ZNF512B: variants seen among roughly 807,000 people sequenced by gnomAD.
The protein encoded by ZNF512B is zinc finger protein 512B.
A neutral mutation model predicts 87.8 loss-of-function variants in ZNF512B; 22 were observed. The observed-to-expected ratio is 0.25, with a 90% CI of 0.18 to 0.36. The LOEUF (loss-of-function observed/expected upper bound fraction) is 0.36. Among genes scored for constraint, ZNF512B ranks in the 10% least tolerant of loss-of-function variants. The pLI, the probability that ZNF512B is intolerant of heterozygous loss-of-function variation, is 1.00. For missense variants in ZNF512B, 1,060 were observed against 1,231.6 expected, an observed-to-expected ratio of 0.86 and a Z score of 2.09; for synonymous variants, 524 against 490.9, an observed-to-expected ratio of 1.07 and a Z score of -0.89.
In ZNF512B at chr20:63,961,257, G is replaced by C; in HGVS notation, c.2427+52C>G. 1 of 1,579,736 alleles carries C rather than the reference G, an allele frequency of 6.3e-7. No individual in the cohort carries two copies. Among genetic ancestry groups the C allele is most frequent in the Non-Finnish European group, 8.7e-7 (1 of 1,155,624 alleles). ...CCAAGGGGTGCCCAACCCCAGCCCT[G>C]TCCCCTCCTGGGCTAGCCCCCAGCC... is the stretch of plus-strand genomic sequence containing the variant. On this transcript the variant is annotated intron_variant, in intron 16 of 16. Transcript: ENST00000369888. The surrounding 1 kb of genome is among the most constrained non-coding windows in gnomAD (Gnocchi z 6.4).
In ZNF512B at chr20:63,963,911, C is replaced by G. The variant is rs747131753; in HGVS notation, c.1483G>C (p.Gly495Arg). Residue 495 changes from glycine (G) to arginine (R), a missense_variant and splice_region_variant, in exon 9 of 17, where the codon GGC becomes CGC. Physicochemically the swap from Gly to Arg is moderately radical, Grantham distance 125. Transcript: ENST00000369888. ...GCCCTCTGCCACTGCTCTTCAGGGC[C>G]ACCTGTGGGTAAGGCAGGGGCCTCG... ...PAPVAHPAPGGPEEQWQRAIH... is the reference protein window; with the variant it reads ...PAPVAHPAPGRPEEQWQRAIH... 2 of 1,610,084 alleles carry G rather than the reference C, an allele frequency of 1.2e-6. No homozygotes were observed. Among genetic ancestry groups the G allele is most frequent in the Admixed American group, 3.3e-5 (2 of 60,030 alleles).
rs2058864220 is a variant in ZNF512B at position 63,962,491 on chromosome 20, C to T, written c.2163+96G>A. 3 of 1,553,642 alleles carry T rather than the reference C, an allele frequency of 1.9e-6. No homozygotes were observed. In the Admixed American group the frequency reaches 5.7e-5, roughly 29 times the overall value. On this transcript the variant is annotated intron_variant, in intron 13 of 16. Transcript: ENST00000369888. ...CGCAGATGGCGGGGGCAGCGGGTGG[C>T]CCAGGTCACAGCAGTGGCTGTCCCA...
At chr20:63,963,492 C>T in intron 10 of ZNF512B, 52 bp from the exon 11 acceptor site, 1 of 1,549,550 alleles carries the variant, frequency 6.5e-7, no homozygotes, top group Non-Finnish European at 8.7e-7. Context: ...CGGAGCCCTG[C>T]CCTGGCCCCG....
chr20:63,967,692 C>A, intron 2 of ZNF512B, 138 bp downstream of exon 2: 1 of 1,487,738 alleles, frequency 6.7e-7, no homozygotes, highest in Non-Finnish European at 9.0e-7. Context: ...CCAAGGCAAC[C>A]CCTACCCTGG....
intron 3 of ZNF512B, 123 bp from the exon 4 acceptor site, chr20:63,967,127 C>T (rs953439888): frequency 4.0e-5 from 58 of 1,459,992 alleles, no homozygotes; most frequent in African/African-American, 3.5e-4. Flanking sequence ...CCCTCAACCT[C>T]GGGACTGCAG....
In ZNF512B at chr20:63,963,411, G is replaced by T; in HGVS notation, c.1728C>A (p.Gly576=). 1 of 1,548,674 alleles carries T rather than the reference G, an allele frequency of 6.5e-7. No homozygotes were observed. The change falls in exon 11 of 17, where the codon GGC becomes GGA. Residue 576 remains glycine, a synonymous_variant. Coordinates refer to ENST00000369888, the MANE Select transcript of ZNF512B (RefSeq NM_020713.3). ...GCAGCCTCTCGCGCTCCTCCTGCTCGCCCCCTTCGGAGGCCTCGGCGTCAG... is the reference window on the plus strand; with the variant it reads ...GCAGCCTCTCGCGCTCCTCCTGCTCTCCCCCTTCGGAGGCCTCGGCGTCAG... The part of the protein sequence containing the change: ...KPSDAEASEG[G]EQEERERLRK...
At position 63,958,096 on chromosome 20, in the gene ZNF512B, C is replaced by T. The variant is rs772699810; in HGVS notation, c.*1792G>A. 1.3e-5 allele frequency: 2 copies of T among 152,224 alleles called. No homozygotes were observed. The highest frequency in any genetic ancestry group is 2.9e-5 in the Non-Finnish European group (2 of 68,078). 9.4% of individuals were successfully genotyped at this position (152,224 alleles called of 1,614,324 possible). A position where few individuals can be genotyped will look rare whatever the true frequency, so the allele number is the denominator to read the frequency against. ...GCTGCTGAGGGTTGGAGCCTTCTGG[C>T]CCAAGGATGAAGCCAGAGACAGGAA... On this transcript the variant is annotated 3_prime_UTR_variant, in exon 17 of 17. Transcript: ENST00000369888.
chr20:63,963,556 C>T (rs931210311), intron 10 of ZNF512B, 62 bp downstream of exon 10: 54 of 1,601,116 alleles, frequency 3.4e-5, no homozygotes, highest in Admixed American at 1.3e-4. Flanking sequence ...GGGGGCACTG[C>T]GGTGAAGGTG....
intron 5 of ZNF512B, among the ~76,000 whole-genome samples, chr20:63,965,740 T>A (rs373705387): frequency 1.0e-4 from 1 of 9,778 alleles, no homozygotes; most frequent in South Asian, 3.9e-3. Context: ...CCCCCATACC[T>A]TTTCTTACCA....
rs373496978 is a variant in ZNF512B at position 63,967,621 on chromosome 20, G to A, written c.122-98C>T. The A allele has an allele frequency of 6.8e-4, 1,019 of 1,495,490 alleles. 6 individuals carry two copies. The highest frequency in any genetic ancestry group is 6.6e-3 in the South Asian group (498 of 75,138). 92.6% of individuals were successfully genotyped at this position (1,495,490 alleles called of 1,614,324 possible). ...AGTGAGCACCGCTGTCCCAACACGAGGGCACCGGGGGCAGGGGCTGCGGCC... is the reference window on the plus strand; with the variant it reads ...AGTGAGCACCGCTGTCCCAACACGAAGGCACCGGGGGCAGGGGCTGCGGCC... On this transcript the variant is annotated intron_variant, in intron 2 of 16. Coordinates refer to ENST00000369888, the MANE Select transcript of ZNF512B (RefSeq NM_020713.3).
At chr20:63,967,278 G>T in intron 3 of ZNF512B, 103 bp downstream of exon 3, 1 of 1,471,542 alleles carries the variant, frequency 6.8e-7, no homozygotes, top group Non-Finnish European at 9.1e-7. Flanking sequence ...ACATCTTGAG[G>T]CATAGAGTTG....
At position 63,966,854 on chromosome 20, in the gene ZNF512B, C is replaced by T. The variant is rs73316609; in HGVS notation, c.393+22G>A. On this transcript the variant is annotated intron_variant, in intron 4 of 16. Transcript: ENST00000369888. ...CCAAACACACCCCGAGGCCTCCTCT[C>T]CCCCGACCCACAGTCCCTTACCCCT... 0.01 allele frequency: 16,510 copies of T among 1,613,460 alleles called. 823 individuals are homozygous for T. In the African/African-American group the frequency reaches 0.13, roughly 13 times the overall value.
chr20:63,964,313 G>C lies in ZNF512B; in HGVS notation c.1333+7C>G. 6.2e-7 allele frequency: 1 copy of C among 1,613,906 alleles called. No individual in the cohort carries two copies. Among genetic ancestry groups the C allele is most frequent in the African/African-American group, 1.3e-5 (1 of 75,028 alleles). ...CCCTGGAGGTGCACACCGGGCTGGGGTCTTACCTTTGAGCCCAAAGGTCCC... is the reference window on the plus strand; with the variant it reads ...CCCTGGAGGTGCACACCGGGCTGGGCTCTTACCTTTGAGCCCAAAGGTCCC... On this transcript the variant is annotated splice_region_variant and intron_variant, in intron 7 of 16. Coordinates refer to ENST00000369888, the MANE Select transcript of ZNF512B (RefSeq NM_020713.3).
rs776677636 is a variant in ZNF512B at position 63,960,085 on chromosome 20, A to T, written c.2482T>A (p.Leu828Met). ...PPPKHRSQDS[L>M]VPKKEKKKNL... The stretch of plus-strand genomic sequence containing the variant: ...TTCTTCTTTTCCTTCTTGGGCACCA[A>T]TGAGTCCTGGCTCCTGTGTTTGGGA... The change falls in exon 17 of 17, where the codon TTG (leucine) becomes ATG (methionine). Residue 828 changes from leucine to methionine, a missense_variant. Physicochemically the swap from Leu to Met is conservative, Grantham distance 15 (BLOSUM62 2). This residue lies in a region of ZNF512B where 253 missense variants were observed against 259.2 expected (regional missense o/e 0.98). Coordinates refer to ENST00000369888, the MANE Select transcript of ZNF512B (RefSeq NM_020713.3). The T allele has an allele frequency of 1.9e-6, 3 of 1,613,970 alleles. No homozygotes were observed. The highest frequency in any genetic ancestry group is 2.5e-6 in the Non-Finnish European group (3 of 1,180,022).
Position 63,959,780 on chromosome 20 carries a change from G to A in ZNF512B, c.*108C>T. On this transcript the variant is annotated 3_prime_UTR_variant, in exon 17 of 17. Transcript: ENST00000369888. ...GCTGCCCCACTGGACGGATGAAGAG[G>A]CGGGGGTGGGGGATGGAGAACTGGA... 3 of 1,420,206 alleles carry A rather than the reference G, an allele frequency of 2.1e-6. No individual in the cohort carries two copies. The highest frequency in any genetic ancestry group is 2.8e-6 in the Non-Finnish European group (3 of 1,079,530). The allele number at this position is 1,420,206 out of a possible 1,614,324, so 88.0% of individuals were successfully genotyped here. A position where few individuals can be genotyped will look rare whatever the true frequency, so the allele number is the denominator to read the frequency against.
Position 63,959,852 on chromosome 20 carries a change from G to A in ZNF512B, c.*36C>T. 6.6e-7 allele frequency: 1 copy of A among 1,524,528 alleles called. No individual in the cohort carries two copies. Among genetic ancestry groups the A allele is most frequent in the Non-Finnish European group, 8.7e-7 (1 of 1,146,202 alleles). The allele number at this position is 1,524,528 out of a possible 1,614,324, so 94.4% of individuals were successfully genotyped here. A position where few individuals can be genotyped will look rare whatever the true frequency, so the allele number is the denominator to read the frequency against. Reference sequence around the variant, plus strand: ...CCCTGCCTTGAACAGAGGGCGGTGTGGCGGCTGCATGGGGGCCAGGCCCCA... The same window carrying A: ...CCCTGCCTTGAACAGAGGGCGGTGTAGCGGCTGCATGGGGGCCAGGCCCCA... On this transcript the variant is annotated 3_prime_UTR_variant, in exon 17 of 17. Transcript: ENST00000369888.
Position 63,966,278 on chromosome 20 carries a change from G to A in ZNF512B, c.897C>T (p.Pro299=), listed in dbSNP as rs1175957007. 5 of 1,612,584 alleles carry A rather than the reference G, an allele frequency of 3.1e-6. No individual in the cohort carries two copies. Among genetic ancestry groups the A allele is most frequent in the Non-Finnish European group, 4.2e-6 (5 of 1,179,278 alleles). The change falls in exon 5 of 17, where the codon CCC becomes CCT. Residue 299 remains proline (P), a synonymous_variant. Transcript: ENST00000369888. The stretch of plus-strand genomic sequence containing the variant: ...CTGTCACCGGCTTGCTGACCACAAT[G>A]GGCCTGCTGACTGTCACTGGCTTGG... ...PVTKPVTVSR[P]IVVSKPVTVS...
chr20:63,961,425 G>T lies in ZNF512B; in HGVS notation c.2329-18C>A. 1 of 1,607,878 alleles carries T rather than the reference G, an allele frequency of 6.2e-7. No homozygotes were observed. On this transcript the variant is annotated intron_variant, in intron 15 of 16. Transcript: ENST00000369888. This position sits in a 1 kb window ranked among gnomAD's most constrained non-coding sequence, Gnocchi z 6.4. ...TGGGCCCCCTGCAATGCATAGGCAG[G>T]CCAGTGCCCCAGCCCTTGGAGGACC... is the stretch of plus-strand genomic sequence containing the variant.
rs2058828869 is a variant in ZNF512B at position 63,959,770 on chromosome 20, G to A, written c.*118C>T. On this transcript the variant is annotated 3_prime_UTR_variant, in exon 17 of 17. Transcript: ENST00000369888. ...AGAGTGGCTGGCTGCCCCACTGGAC[G>A]GATGAAGAGGCGGGGGTGGGGGATG... is the stretch of plus-strand genomic sequence containing the variant. The A allele has an allele frequency of 1.4e-5, 20 of 1,399,886 alleles. No homozygotes were observed. The highest frequency in any genetic ancestry group is 1.1e-4 in the Admixed American group (4 of 37,140). The allele number at this position is 1,399,886 out of a possible 1,614,324, so 86.7% of individuals were successfully genotyped here.
Sources: gnomAD v4.1 joint callset for allele counts (sites outside exome capture counted in the v4.1 genomes callset) on GRCh38, gnomAD v4.1.1 for gene constraint, gnomAD v4.1.1 regional missense constraint, Gnocchi (gnomAD v3.1) non-coding constraint, MANE v1.5 for transcripts, NCBI Gene and HGNC (gene_info 2026-07-23, HGNC 2026-07-21) for gene names.